LOXHD1: variants seen among roughly 807,000 people sequenced by gnomAD.
The protein encoded by LOXHD1 is lipoxygenase homology PLAT domains 1, also known as lipoxygenase homology domain-containing protein 1.
In LOXHD1, 205 loss-of-function variants were observed where a neutral mutation model predicts 248.2. That is an observed-to-expected ratio of 0.83 (90% CI 0.74 to 0.93). The LOEUF is 0.93. LOXHD1 is among the 40% of genes least tolerant of loss of function. The probability of loss-of-function intolerance (pLI) is 0.00; values close to 1 mark genes in which losing one functional copy is unlikely to be tolerated. For missense variants in LOXHD1, 2,930 were observed against 2,971.6 expected (o/e 0.99, Z 0.33); for synonymous variants, 1,113 against 1,162.8 (o/e 0.96, Z 0.87).
chr18:46,581,474 T>C (rs1294106044), intron 12 of LOXHD1, among the ~76,000 whole-genome samples: 1 of 152,118 alleles, frequency 6.6e-6, no homozygotes. Flanking sequence ...CTATTAGATG[T>C]TCAAAACTGA....
chr18:46,564,327 C>G (rs906886173), intron 17 of LOXHD1, among the ~76,000 whole-genome samples: 1 of 152,108 alleles, frequency 6.6e-6, no homozygotes, highest in Admixed American at 6.5e-5. Context: ...AGTTCAAGAT[C>G]AGCCTGGGCA....
intron 12 of LOXHD1, among the ~76,000 whole-genome samples, chr18:46,582,542 T>G (rs1168242219): frequency 1.3e-5 from 2 of 152,116 alleles, no homozygotes; most frequent in African/African-American, 4.8e-5. Context: ...AAAAAAGATA[T>G]GACATACAAA....
At chr18:46,582,778 T>C (rs1311392871) in intron 12 of LOXHD1, among the ~76,000 whole-genome samples, 1 of 151,822 alleles carries the variant, frequency 6.6e-6, no homozygotes, top group Non-Finnish European at 1.5e-5. Context: ...TAATGAGGAG[T>C]TCTTGGGAGA....
intron 4 of LOXHD1, among the ~76,000 whole-genome samples, chr18:46,638,989 G>A (rs2038928206): frequency 6.6e-6 from 1 of 152,106 alleles, no homozygotes; most frequent in Non-Finnish European, 1.5e-5. Context: ...CCCCCTTTTT[G>A]GAAAAGCAAA....
intron 26 of LOXHD1, 81 bp from the exon 27 acceptor site, chr18:46,534,532 G>A: frequency 1.9e-6 from 2 of 1,037,536 alleles, no homozygotes; most frequent in Non-Finnish European, 2.9e-6. Context: ...GCTTCCCCAG[G>A]GCATCCACCC....
At chr18:46,499,249 TG>T (rs2034072569) in intron 37 of LOXHD1, among the ~76,000 whole-genome samples, 1 of 152,186 alleles carries the variant, frequency 6.6e-6, no homozygotes, top group Non-Finnish European at 1.5e-5. Flanking sequence ...TAACTTCATT[TG>T]GGATAATCAG....
At chr18:46,479,777 C>CAA (rs1323127321) in intron 40 of LOXHD1, among the ~76,000 whole-genome samples, 65 of 124,022 alleles carry the variant, frequency 5.2e-4, no homozygotes, top group African/African-American at 1.6e-3. Context: ...AAAAAAAAAA[C>CAA]AAAAAAAAAA....
chr18:46,580,593 G>A (rs1336024684), intron 12 of LOXHD1, among the ~76,000 whole-genome samples: 4 of 152,160 alleles, frequency 2.6e-5, no homozygotes, highest in Admixed American at 2.0e-4. Flanking sequence ...TAGGTGCCAG[G>A]CACCATTAAC....
At chr18:46,488,228 G>C (rs1387073170) in intron 38 of LOXHD1, among the ~76,000 whole-genome samples, 1 of 152,196 alleles carries the variant, frequency 6.6e-6, no homozygotes, top group Non-Finnish European at 1.5e-5. Flanking sequence ...CCCAGAGAGA[G>C]ATACAGACAG....
At chr18:46,576,827 G>T (rs563243737) in intron 14 of LOXHD1, among the ~76,000 whole-genome samples, 3 of 152,270 alleles carry the variant, frequency 2.0e-5, no homozygotes, top group African/African-American at 7.2e-5. Flanking sequence ...ATGTGTGCCT[G>T]TGTGTGTGCG....
chr18:46,613,614 G>A (rs1036036348), intron 5 of LOXHD1, among the ~76,000 whole-genome samples: 5 of 151,990 alleles, frequency 3.3e-5, no homozygotes, highest in African/African-American at 1.2e-4. Flanking sequence ...ATGAGTAGCT[G>A]GACTATTTCT....
At chr18:46,612,754 T>G (rs1263804097) in intron 5 of LOXHD1, among the ~76,000 whole-genome samples, 1 of 152,184 alleles carries the variant, frequency 6.6e-6, no homozygotes, top group East Asian at 1.9e-4. Flanking sequence ...CACATTTAAG[T>G]CTTCAGCCCA....
chr18:46,502,454 T>C lies in LOXHD1; in HGVS notation c.5878+3384A>G, dbSNP rs571537942. 5.3e-5 allele frequency among the ~76,000 whole-genome samples: 8 copies of C among 152,306 alleles called. No individual in the cohort carries two copies. In the South Asian group the frequency reaches 1.4e-3, roughly 28 times the overall value. ...TGAGCTCTGATCTTGGATCCGCAAC[T>C]CTCTACCTTTTATTGATGTGAATTG... is the stretch of plus-strand genomic sequence containing the variant. On this transcript the variant is annotated intron_variant, in intron 37 of 40. Coordinates refer to ENST00000642948, the MANE Select transcript of LOXHD1 (RefSeq NM_001384474.1).
At chr18:46,625,290 G>A (rs1043495932) in intron 4 of LOXHD1, among the ~76,000 whole-genome samples, 2 of 152,130 alleles carry the variant, frequency 1.3e-5, no homozygotes, top group African/African-American at 4.8e-5. Context: ...AACACAGTCC[G>A]TGCATTTGAC....
At chr18:46,654,761 C>T (rs920168452) in intron 1 of LOXHD1, among the ~76,000 whole-genome samples, 1 of 152,172 alleles carries the variant, frequency 6.6e-6, no homozygotes, top group African/African-American at 2.4e-5. Context: ...ACAGCTGGAG[C>T]TCAGCATGTG....
chr18:46,639,404 C>T (rs1221792486), intron 4 of LOXHD1, among the ~76,000 whole-genome samples: 1 of 152,230 alleles, frequency 6.6e-6, no homozygotes, highest in Non-Finnish European at 1.5e-5. Context: ...GTATTTCCCA[C>T]CTCCTTGAAC....
At chr18:46,514,981 G>A (rs146637393) in intron 34 of LOXHD1, among the ~76,000 whole-genome samples, 193 of 152,282 alleles carry the variant, frequency 1.3e-3, no homozygotes, top group African/African-American at 4.4e-3. Context: ...CATATTTTCT[G>A]AATGCCATAT....
intron 5 of LOXHD1, among the ~76,000 whole-genome samples, chr18:46,612,946 C>T (rs2038530232): frequency 6.6e-6 from 1 of 151,960 alleles, no homozygotes; most frequent in African/African-American, 2.4e-5. Context: ...TTTGTTTATC[C>T]ATCTAGCAAT....
In LOXHD1 at chr18:46,592,067, A is replaced by G; in HGVS notation, c.1520T>C (p.Met507Thr). The G allele has an allele frequency of 6.4e-7, 1 of 1,552,296 alleles. No individual in the cohort carries two copies. Among genetic ancestry groups the G allele is most frequent in the Non-Finnish European group, 8.7e-7 (1 of 1,147,092 alleles). Residue 507 changes from methionine (M) to threonine (T), a missense_variant and splice_region_variant, in exon 12 of 41, where the codon ATG becomes ACG. Physicochemically the swap from Met to Thr is moderately conservative, Grantham distance 81. Coordinates refer to ENST00000642948, the MANE Select transcript of LOXHD1 (RefSeq NM_001384474.1). The part of the protein sequence containing the change: ...SSGSGWHLER[M>T]TLMNTLNKDK... ...TTTGTTCAGAGTGTTCATCAGGGTC[A>G]TCTGGAATGAAGTTCTGGGGTGAGC...
Sources: allele counts gnomAD v4.1 joint callset (sites outside exome capture counted in the v4.1 genomes callset), GRCh38; gene constraint gnomAD v4.1.1; transcripts MANE v1.5; gene names NCBI Gene and HGNC (gene_info 2026-07-23, HGNC 2026-07-21).